Variants in CFAP251 observed in about 807,000 individuals in gnomAD.
CFAP251 encodes the protein cilia- and flagella-associated protein 251.
In CFAP251, 93 loss-of-function variants were observed where a neutral mutation model predicts 126.7. The ratio of observed to expected loss-of-function variants is 0.73; its 90% CI spans 0.62 to 0.87. CFAP251 has a LOEUF of 0.87. Among genes scored for constraint, CFAP251 ranks in the 40% least tolerant of loss-of-function variants. CFAP251 has a pLI of 0.00. For missense variants in CFAP251, 1,287 were observed against 1,389.2 expected (o/e 0.93, Z 1.17); for synonymous variants, 503 against 506.9 (o/e 0.99, Z 0.10).
Position 121,958,970 on chromosome 12 carries a change from A to T in CFAP251, c.2009A>T (p.Glu670Val). 1 of 1,599,544 alleles carries T rather than the reference A, an allele frequency of 6.3e-7. No individual in the cohort carries two copies. Among genetic ancestry groups the T allele is most frequent in the South Asian group, 1.1e-5 (1 of 88,006 alleles). Residue 670 changes from glutamate to valine, a missense_variant, in exon 13 of 22, where the codon GAG becomes GTG. Transcript: ENST00000288912. ...GCCCTTCTTGGAGCTGGCTTTACAGAGGGGACAGTTTACATTCTTGATGCA... is the reference window on the plus strand; with the variant it reads ...GCCCTTCTTGGAGCTGGCTTTACAGTGGGGACAGTTTACATTCTTGATGCA... The part of the protein sequence containing the change: ...EGALLGAGFT[E>V]GTVYILDAMS...
At chr12:121,992,611 C>A in intron 19 of CFAP251, 1 of 684,034 alleles carries the variant, frequency 1.5e-6, no homozygotes, top group Non-Finnish European at 1.8e-6. Context: ...ACTCCTCACT[C>A]CTGTTGCCCA....
chr12:121,921,284 A>G lies in CFAP251; in HGVS notation c.-20-2A>G. 1 of 1,552,934 alleles carries G rather than the reference A, an allele frequency of 6.4e-7. No individual in the cohort carries two copies. The highest frequency in any genetic ancestry group is 8.6e-7 in the Non-Finnish European group (1 of 1,157,432). ...TGGTTATTATGGTCAAAATCTCTCT[A>G]GAGGAAACTCTACAGAGAAGAATGT... On this transcript the variant is annotated splice_acceptor_variant, in intron 1 of 21. Transcript: ENST00000288912. LOFTEE classifies it low-confidence loss of function (5UTR_SPLICE).
In CFAP251 at chr12:121,958,932, T is replaced by G; in HGVS notation, c.1982-11T>G. The G allele has an allele frequency of 6.3e-7, 1 of 1,575,434 alleles. No individual in the cohort carries two copies. The highest frequency in any genetic ancestry group is 8.6e-7 in the Non-Finnish European group (1 of 1,167,168). On this transcript the variant is annotated splice_polypyrimidine_tract_variant and intron_variant, in intron 12 of 21. Transcript: ENST00000288912. ...AATCCTTTTCCATCGTTCTCTGGCT[T>G]GTCATTTCAGGAGCCCTTCTTGGAG...
chr12:121,927,433 G>A (rs551745740), intron 3 of CFAP251, among the ~76,000 whole-genome samples: 35 of 152,102 alleles, frequency 2.3e-4, no homozygotes, highest in Admixed American at 9.8e-4. Context: ...ATGTAGCTGG[G>A]ATTATAGGCA....
At chr12:122,000,547 C>CAA (rs36002683) in intron 20 of CFAP251, among the ~76,000 whole-genome samples, 96 of 105,290 alleles carry the variant, frequency 9.1e-4, no homozygotes, top group Non-Finnish European at 1.3e-3. Context: ...GCGAGACTGT[C>CAA]AAAAAAAAAA....
chr12:121,966,011 C>T (rs1018950097), intron 15 of CFAP251, among the ~76,000 whole-genome samples: 7 of 151,870 alleles, frequency 4.6e-5, no homozygotes, highest in African/African-American at 1.7e-4. Flanking sequence ...TGGACTCGAA[C>T]TCCTAACCCC....
At chr12:121,987,062 C>T (rs1358579643) in intron 19 of CFAP251, among the ~76,000 whole-genome samples, 1 of 152,212 alleles carries the variant, frequency 6.6e-6, no homozygotes, top group Non-Finnish European at 1.5e-5. Flanking sequence ...CCAAGTGGTT[C>T]AGCCTCACCC....
At chr12:121,945,327 GTTTTCTTTTC>G (rs71917340) in intron 7 of CFAP251, among the ~76,000 whole-genome samples, 130 of 150,676 alleles carry the variant, frequency 8.6e-4, no homozygotes, top group Non-Finnish European at 1.4e-3. Context: ...TTGTTGTTTT[GTTTTCTTTTC>G]TTTTCTTTTC....
intron 19 of CFAP251, chr12:121,992,416 T>C: frequency 1.0e-6 from 1 of 985,278 alleles, no homozygotes; most frequent in Non-Finnish European, 1.2e-6. Flanking sequence ...TGCTGAGTGG[T>C]TTGTGCTGTG....
intron 19 of CFAP251, among the ~76,000 whole-genome samples, chr12:121,996,042 G>A (rs1471340199): frequency 6.6e-6 from 1 of 152,178 alleles, no homozygotes; most frequent in Admixed American, 6.5e-5. Flanking sequence ...AAGATGTGAG[G>A]GTGAAGGGTA....
At chr12:121,934,198 C>G in intron 4 of CFAP251, 49 bp from the exon 5 acceptor site, 2 of 1,487,894 alleles carry the variant, frequency 1.3e-6, no homozygotes, top group Non-Finnish European at 1.9e-6. Flanking sequence ...GTGGCCAAGG[C>G]TGGGCCGCAT....
rs1006596115 is a variant in CFAP251, at chr12:122,001,352, A to G, written c.3236-145A>G. Reference sequence around the variant, plus strand: ...ATTACAGGCATGAGCCACCACGCCCAGCCTAAATTTTTTTTTCAATTGAGT... The same window carrying G: ...ATTACAGGCATGAGCCACCACGCCCGGCCTAAATTTTTTTTTCAATTGAGT... On this transcript the variant is annotated intron_variant, in intron 20 of 21. Coordinates refer to ENST00000288912, the MANE Select transcript of CFAP251 (RefSeq NM_144668.6). 1.1e-5 allele frequency: 8 copies of G among 730,220 alleles called. No homozygotes were observed. The African/African-American group carries it at 1.4e-4, about 13-fold the overall frequency. The allele number at this position is 730,220 out of a possible 1,614,324, so 45.2% of individuals were successfully genotyped here.
At chr12:121,954,665 A>AC (rs1881663445) in intron 10 of CFAP251, among the ~76,000 whole-genome samples, 1 of 148,440 alleles carries the variant, frequency 6.7e-6, no homozygotes, top group African/African-American at 2.4e-5. Flanking sequence ...AAAAAAAAAA[A>AC]AAACCTCTTT....
Position 122,003,723 on chromosome 12 carries a change from G to T in CFAP251, c.3409G>T (p.Gly1137Cys). Residue 1137 changes from glycine (G) to cysteine (C), a missense_variant, in exon 22 of 22, where the codon GGC (glycine) becomes TGC (cysteine). Gly to Cys is a radical substitution (Grantham distance 159, BLOSUM62 -3). Coordinates refer to ENST00000288912, the MANE Select transcript of CFAP251 (RefSeq NM_144668.6). ...AGAAATATTCGCGACTGAAATTCTT[G>T]GCTTAACCATTTCAGAAGATTCCGG... ...TAEIFATEIL[G>C]LTISEDSGQD... 1.9e-6 allele frequency: 3 copies of T among 1,609,420 alleles called. No homozygotes were observed. The highest frequency in any genetic ancestry group is 1.7e-6 in the Non-Finnish European group (2 of 1,178,606).
intron 15 of CFAP251, among the ~76,000 whole-genome samples, chr12:121,964,905 A>G (rs1181471192): frequency 2.0e-5 from 3 of 152,148 alleles, no homozygotes; most frequent in African/African-American, 7.2e-5. Context: ...TCTGTCTTAA[A>G]AAAAATAAAA....
At chr12:121,959,417 ATG>A (rs2135783252) in intron 13 of CFAP251, 1 of 209,270 alleles carries the variant, frequency 4.8e-6, no homozygotes, top group Non-Finnish European at 9.6e-6. Flanking sequence ...GTCTGCCTTT[ATG>A]TTGGGAGGGA....
chr12:121,958,652 T>A, intron 12 of CFAP251, 130 bp downstream of exon 12: 4 of 1,414,276 alleles, frequency 2.8e-6, no homozygotes, highest in Non-Finnish European at 3.9e-6. Context: ...TGAGGCGCCT[T>A]CTCTCTGGGG....
chr12:121,938,466 T>G (rs1332875497), intron 5 of CFAP251, among the ~76,000 whole-genome samples: 1 of 150,912 alleles, frequency 6.6e-6, no homozygotes, highest in African/African-American at 2.4e-5. Flanking sequence ...GGACCACAGG[T>G]GTACACCACC....
At chr12:121,961,902 C>A in intron 14 of CFAP251, 76 bp from the exon 15 acceptor site, 1 of 1,456,938 alleles carries the variant, frequency 6.9e-7, no homozygotes, top group Non-Finnish European at 9.4e-7. Flanking sequence ...GGCTGTCACC[C>A]AAGAGCTTGG....
Sources: gnomAD v4.1 joint callset for allele counts (sites outside exome capture counted in the v4.1 genomes callset) on GRCh38, gnomAD v4.1.1 for gene constraint, MANE v1.5 for transcripts, NCBI Gene and HGNC (gene_info 2026-07-23, HGNC 2026-07-21) for gene names.